Variants in KNDC1 observed in about 807,000 individuals in gnomAD.
KNDC1 encodes the protein kinase non-catalytic C-lobe domain-containing protein 1.
KNDC1 carries 106 observed loss-of-function variants against 172.8 expected under a neutral mutation model. That is an observed-to-expected ratio of 0.61 (90% CI 0.52 to 0.72). The LOEUF (loss-of-function observed/expected upper bound fraction) is 0.72, where lower values mean the gene tolerates loss of function less well. KNDC1 is among the 30% of genes least tolerant of loss of function. KNDC1 has a pLI of 0.00. For synonymous variants in KNDC1, 1,083 were observed against 1,062.2 expected, an observed-to-expected ratio of 1.02 and a Z score of -0.38; for missense variants, 2,325 against 2,394.5, an observed-to-expected ratio of 0.97 and a Z score of 0.61.
In KNDC1 at chr10:133,207,275, C is replaced by T. The variant is rs887133884; in HGVS notation, c.3718C>T (p.His1240Tyr). The change falls in exon 20 of 30, where the codon CAC becomes TAC. Residue 1240 changes from histidine to tyrosine, a missense_variant. His to Tyr is a moderately conservative substitution (Grantham distance 83). Coordinates refer to ENST00000304613, the MANE Select transcript of KNDC1 (RefSeq NM_152643.8). Reference sequence around the variant, plus strand: ...GCTCATCTTCTACAACGTCAACAAGCACCCGGGCGGCCGGCAGAAGGCCCG... The same window carrying T: ...GCTCATCTTCTACAACGTCAACAAGTACCCGGGCGGCCGGCAGAAGGCCCG... ...SSLIFYNVNK[H>Y]PGGRQKARIL... is the part of the protein sequence containing the mutation. 1.9e-6 allele frequency: 3 copies of T among 1,612,986 alleles called. No individual in the cohort carries two copies. Among genetic ancestry groups the T allele is most frequent in the Non-Finnish European group, 2.5e-6 (3 of 1,179,988 alleles).
At chr10:133,183,564 C>T in intron 4 of KNDC1, 74 bp downstream of exon 4, 1 of 1,443,168 alleles carries the variant, frequency 6.9e-7, no homozygotes, top group Non-Finnish European at 9.2e-7. Context: ...GTGCTCACCA[C>T]ACCCACGCCC....
intron 5 of KNDC1, among the ~76,000 whole-genome samples, chr10:133,184,262 C>G (rs1011242047): frequency 1.4e-5 from 2 of 147,626 alleles, no homozygotes; most frequent in African/African-American, 5.0e-5. Flanking sequence ...ACACACGTTA[C>G]ACACACCCAT....
chr10:133,210,440 G>T (rs1845337655), intron 20 of KNDC1, among the ~76,000 whole-genome samples, 171 bp from the exon 21 acceptor site: 1 of 143,910 alleles, frequency 6.9e-6, no homozygotes. Context: ...AATGAAATTT[G>T]AAATTTGAGG....
intron 4 of KNDC1, 22 bp downstream of exon 4, chr10:133,183,512 C>T (rs1337044945): frequency 1.3e-6 from 2 of 1,585,678 alleles, no homozygotes; most frequent in Non-Finnish European, 1.7e-6. Context: ...TGCCCTGGGC[C>T]ACCCCAGGCT....
rs377037278 is a variant in KNDC1 at position 133,200,393 on chromosome 10, G to A, written c.2922G>A (p.Gly974=). 6.9e-6 allele frequency: 11 copies of A among 1,595,656 alleles called. No individual in the cohort carries two copies. The highest frequency in any genetic ancestry group is 1.7e-5 in the Admixed American group (1 of 58,388). The change falls in exon 16 of 30, where the codon GGG becomes GGA. Residue 974 remains glycine (G), a synonymous_variant. Transcript: ENST00000304613. ...SPSPSTAEEA[G]SQLEGSQSPR... is the part of the protein sequence containing the mutation. ...TCGTCAGCACGGCCGAGGAGGCTGGGTCACAGCTCGAGGGCAGCCAAAGCC... is the reference window on the plus strand; with the variant it reads ...TCGTCAGCACGGCCGAGGAGGCTGGATCACAGCTCGAGGGCAGCCAAAGCC...
At chr10:133,215,199 C>T (rs763245838) in intron 26 of KNDC1, among the ~76,000 whole-genome samples, 1 of 152,228 alleles carries the variant, frequency 6.6e-6, no homozygotes, top group Non-Finnish European at 1.5e-5. Context: ...GAACAGGACT[C>T]CCGGCCACGA....
intron 10 of KNDC1, among the ~76,000 whole-genome samples, chr10:133,196,471 G>A (rs1360297194): frequency 6.6e-6 from 1 of 152,184 alleles, no homozygotes; most frequent in Non-Finnish European, 1.5e-5. Flanking sequence ...GAGGAGCCGT[G>A]TCTGGGGGAG....
chr10:133,216,871 G>C (rs9418945), intron 26 of KNDC1, among the ~76,000 whole-genome samples: 56,072 of 152,222 alleles, frequency 0.37, 11,498 homozygotes, highest in East Asian at 0.61. Flanking sequence ...AAATTCTGAC[G>C]CCTGCGGCAG....
At position 133,221,622 on chromosome 10, in the gene KNDC1, G is replaced by A. The variant is rs1272105443; in HGVS notation, c.5018+1510G>A. On this transcript the variant is annotated intron_variant, in intron 29 of 29. Transcript: ENST00000304613. ...CCCACGGTAGATGGCCTCACTTGGG[G>A]AGCAATGCTCAGCGGACCAGGTGCC... Among the ~76,000 whole-genome samples, 4 of 152,222 alleles carry A rather than the reference G, an allele frequency of 2.6e-5. No homozygotes were observed. In the East Asian group the frequency reaches 7.7e-4, roughly 29 times the overall value.
intron 9 of KNDC1, among the ~76,000 whole-genome samples, chr10:133,194,518 A>G (rs116646383): frequency 0.016 from 2,477 of 152,320 alleles, 79 homozygotes; most frequent in African/African-American, 0.057. Context: ...ACTATGTACA[A>G]TTATCACAAA....
chr10:133,222,229 G>A (rs1359067404), intron 29 of KNDC1, among the ~76,000 whole-genome samples: 1 of 147,700 alleles, frequency 6.8e-6, no homozygotes, highest in Non-Finnish European at 1.5e-5. Flanking sequence ...CTTCCAGTGA[G>A]CCGAGATCGC....
intron 10 of KNDC1, 83 bp from the exon 11 acceptor site, chr10:133,196,975 T>C: frequency 1.8e-6 from 2 of 1,135,290 alleles, no homozygotes; most frequent in East Asian, 4.8e-5. Flanking sequence ...CCTGAGCTTT[T>C]TCAGATGGGG....
intron 3 of KNDC1, among the ~76,000 whole-genome samples, chr10:133,173,110 T>C (rs371760616): frequency 2.6e-5 from 4 of 152,246 alleles, no homozygotes; most frequent in Admixed American, 1.3e-4. Context: ...GGTGCTCTCC[T>C]CTTCAGGCGC....
chr10:133,219,147 G>A (rs1845529783), intron 28 of KNDC1, 57 bp downstream of exon 28: 6 of 1,572,286 alleles, frequency 3.8e-6, no homozygotes, highest in African/African-American at 1.3e-5. Flanking sequence ...TCTCCTAAAC[G>A]AACTGCTGTG....
chr10:133,178,554 G>C (rs1052979414), intron 3 of KNDC1, among the ~76,000 whole-genome samples: 4 of 152,078 alleles, frequency 2.6e-5, no homozygotes, highest in Admixed American at 2.6e-4. Flanking sequence ...TCCCAGCCTG[G>C]GTGGGTATGG....
In KNDC1 at chr10:133,167,587, G is replaced by A. The variant is rs368103427; in HGVS notation, c.301+8G>A. ...TCATGGAGCAGCTCAGCGGTGAGGC[G>A]GCGGTGGCGGTGGCGGCGGCGGCGG... On this transcript the variant is annotated splice_region_variant and intron_variant, in intron 2 of 29. Transcript: ENST00000304613. The A allele has an allele frequency of 5.7e-5, 90 of 1,565,888 alleles. No individual in the cohort carries two copies. Among genetic ancestry groups the A allele is most frequent in the Admixed American group, 9.4e-5 (5 of 53,356 alleles).
intron 10 of KNDC1, among the ~76,000 whole-genome samples, chr10:133,196,588 T>C (rs183926146): frequency 5.9e-5 from 9 of 152,330 alleles, no homozygotes; most frequent in Admixed American, 1.3e-4. Context: ...AGGCCTCCTC[T>C]GCTGCAGGAG....
chr10:133,187,254 GC>G (rs1309939680), intron 6 of KNDC1, among the ~76,000 whole-genome samples: 2 of 152,252 alleles, frequency 1.3e-5, no homozygotes, highest in Non-Finnish European at 2.9e-5. Flanking sequence ...GCCCAGTGCT[GC>G]CCCTGGTCAG....
intron 17 of KNDC1, chr10:133,202,143 A>C: frequency 1.4e-6 from 1 of 700,828 alleles, no homozygotes; most frequent in Non-Finnish European, 2.6e-6. Context: ...GAGGACAGGG[A>C]AGGGCTTTTC....
Sources: gnomAD v4.1 joint callset for allele counts (sites outside exome capture counted in the v4.1 genomes callset) on GRCh38, gnomAD v4.1.1 for gene constraint, MANE v1.5 for transcripts, NCBI Gene and HGNC (gene_info 2026-07-23, HGNC 2026-07-21) for gene names.